ADGRV1: variants seen among roughly 807,000 people sequenced by gnomAD.
ADGRV1 encodes the protein G-protein coupled receptor 98.
ADGRV1 carries 359 observed loss-of-function variants against 596.2 expected under a neutral mutation model. The observed-to-expected ratio is 0.60, with a 90% CI of 0.55 to 0.66. The LOEUF is 0.66. Ranked by LOEUF, ADGRV1 falls within the 30% of genes least tolerant of loss-of-function variation. The pLI is 0.00. For missense variants in ADGRV1, 7,274 were observed against 7,575.6 expected (o/e 0.96, Z 1.48); for synonymous variants, 2,681 against 2,679.2 (o/e 1.00, Z -0.02).
chr5:90,703,887 A>T (rs1748238755), intron 35 of ADGRV1, 92 bp downstream of exon 35: 1 of 885,994 alleles, frequency 1.1e-6, no homozygotes, highest in Non-Finnish European at 1.7e-6. Flanking sequence ...TATTGTAGTT[A>T]TTATCTTTCT....
chr5:90,934,777 G>A (rs1298590907), intron 83 of ADGRV1, among the ~76,000 whole-genome samples: 3 of 152,200 alleles, frequency 2.0e-5, no homozygotes, highest in African/African-American at 4.8e-5. Context: ...AGTAAGAGCA[G>A]GGCACTTACA....
intron 78 of ADGRV1, among the ~76,000 whole-genome samples, chr5:90,844,487 C>G (rs151099212): frequency 6.6e-6 from 1 of 152,234 alleles, no homozygotes; most frequent in African/African-American, 2.4e-5. Flanking sequence ...TGGGTTCAGG[C>G]AAATTTTTGC....
At chr5:91,050,916 T>C (rs1362649863) in intron 85 of ADGRV1, among the ~76,000 whole-genome samples, 1 of 152,216 alleles carries the variant, frequency 6.6e-6, no homozygotes, top group Non-Finnish European at 1.5e-5. Context: ...CACTAGAATG[T>C]AAGCTCCAGG....
Position 90,787,348 on chromosome 5 carries a change from A to G in ADGRV1, c.13654-723A>G, listed in dbSNP as rs932624056. 2.6e-5 allele frequency among the ~76,000 whole-genome samples: 4 copies of G among 152,276 alleles called. No homozygotes were observed. In the South Asian group the frequency reaches 6.2e-4, roughly 24 times the overall value. ...ATATAAGTAGATTTAGCATTTTTGC[A>G]TGGTCTACAGCAGAGTTTTTCCATG... On this transcript the variant is annotated intron_variant, in intron 67 of 89. Transcript: ENST00000405460.
intron 86 of ADGRV1, among the ~76,000 whole-genome samples, chr5:91,100,470 CAAA>C (rs1791279543): frequency 7.0e-6 from 1 of 142,004 alleles, no homozygotes; most frequent in Non-Finnish European, 1.5e-5. Flanking sequence ...AGAAAGAAAA[CAAA>C]AAAGGAAAGA....
At chr5:91,151,876 G>A (rs1009150701) in intron 88 of ADGRV1, among the ~76,000 whole-genome samples, 1 of 152,206 alleles carries the variant, frequency 6.6e-6, no homozygotes, top group Non-Finnish European at 1.5e-5. Flanking sequence ...CAACTTCCTA[G>A]TGAAATTTTT....
chr5:90,997,167 T>G (rs1263227998), intron 85 of ADGRV1, among the ~76,000 whole-genome samples: 2 of 152,046 alleles, frequency 1.3e-5, no homozygotes, highest in Non-Finnish European at 2.9e-5. Context: ...GAGGGGACAG[T>G]GGTAGTATGA....
intron 83 of ADGRV1, among the ~76,000 whole-genome samples, chr5:90,875,737 A>G (rs933247249): frequency 6.6e-6 from 1 of 152,206 alleles, no homozygotes; most frequent in African/African-American, 2.4e-5. Flanking sequence ...AGCTTTAGTA[A>G]CTTATTAAGA....
At chr5:90,805,525 T>C in intron 72 of ADGRV1, 67 bp downstream of exon 72, 1 of 1,304,990 alleles carries the variant, frequency 7.7e-7, no homozygotes, top group South Asian at 1.7e-5. Context: ...CCACTAATTG[T>C]CTTGGGTTAT....
chr5:90,827,361 C>T (rs1433922785), intron 76 of ADGRV1, among the ~76,000 whole-genome samples: 5 of 152,134 alleles, frequency 3.3e-5, no homozygotes, highest in Admixed American at 6.5e-5. Context: ...ATTTCTAAGA[C>T]TTGAAGACTC....
chr5:90,919,089 T>G (rs1282675735), intron 83 of ADGRV1, among the ~76,000 whole-genome samples: 1 of 152,254 alleles, frequency 6.6e-6, no homozygotes, highest in Non-Finnish European at 1.5e-5. Flanking sequence ...ACATGCATCC[T>G]CAGATATCAA....
intron 85 of ADGRV1, among the ~76,000 whole-genome samples, chr5:91,053,117 A>G (rs1334034229): frequency 6.6e-6 from 1 of 152,168 alleles, no homozygotes; most frequent in Non-Finnish European, 1.5e-5. Context: ...CAAAGGGAAC[A>G]TTGGTTTAAT....
chr5:91,118,215 G>T (rs1793017119), intron 87 of ADGRV1, among the ~76,000 whole-genome samples: 1 of 152,072 alleles, frequency 6.6e-6, no homozygotes, highest in Non-Finnish European at 1.5e-5. Flanking sequence ...AAGGTGGGGA[G>T]AGCATAGTTA....
chr5:90,922,860 C>T (rs1457337202), intron 83 of ADGRV1, among the ~76,000 whole-genome samples: 6 of 152,154 alleles, frequency 3.9e-5, no homozygotes, highest in Admixed American at 3.3e-4. Flanking sequence ...ACAGTTGGTT[C>T]TTGATGCATG....
intron 83 of ADGRV1, among the ~76,000 whole-genome samples, chr5:90,875,911 T>C (rs976341713): frequency 2.0e-5 from 3 of 152,208 alleles, no homozygotes; most frequent in African/African-American, 7.2e-5. Context: ...CTAGTAAATG[T>C]CTGTAGTGCC....
chr5:90,564,374 T>C (rs1332511278), intron 1 of ADGRV1, among the ~76,000 whole-genome samples: 1 of 151,870 alleles, frequency 6.6e-6, no homozygotes, highest in Non-Finnish European at 1.5e-5. Flanking sequence ...TGAAAAATGG[T>C]GGAAGAGAGG....
chr5:90,739,143 TG>T (rs1427109788), intron 50 of ADGRV1, among the ~76,000 whole-genome samples: 4 of 152,046 alleles, frequency 2.6e-5, no homozygotes, highest in African/African-American at 7.2e-5. Flanking sequence ...CGTTTCTGTT[TG>T]TTTTTTTGTT....
intron 1 of ADGRV1, among the ~76,000 whole-genome samples, chr5:90,595,734 G>C (rs377329736): frequency 7.3e-6 from 1 of 136,764 alleles, no homozygotes; most frequent in Non-Finnish European, 1.6e-5. Flanking sequence ...CAGTAGGGGC[G>C]GCCGGGCAGA....
chr5:90,883,347 G>A (rs1034499219), intron 83 of ADGRV1, among the ~76,000 whole-genome samples: 1 of 152,176 alleles, frequency 6.6e-6, no homozygotes, highest in African/African-American at 2.4e-5. Flanking sequence ...CAGCAAATAT[G>A]TATTGATCCT....
Sources: allele counts gnomAD v4.1 joint callset (sites outside exome capture counted in the v4.1 genomes callset), GRCh38; gene constraint gnomAD v4.1.1; transcripts MANE v1.5; gene names NCBI Gene and HGNC (gene_info 2026-07-23, HGNC 2026-07-21).